The following COL11A1 variants were observed in gnomAD, a reference collection of about 807,000 sequenced individuals.
COL11A1 encodes the protein collagen alpha-1(XI) chain.
Under a neutral mutation model 265.2 loss-of-function variants are expected in COL11A1, and 74 were observed. The observed-to-expected ratio is 0.28, with a 90% CI of 0.23 to 0.34. The LOEUF (loss-of-function observed/expected upper bound fraction) is 0.34, where lower values mean the gene tolerates loss of function less well. Ranked by LOEUF, COL11A1 falls within the 10% of genes least tolerant of loss-of-function variation. The pLI is 1.00. For missense variants in COL11A1, 2,165 were observed against 2,263.6 expected, an observed-to-expected ratio of 0.96 and a Z score of 0.88; for synonymous variants, 816 against 727.6, an observed-to-expected ratio of 1.12 and a Z score of -1.96.
At chr1:103,034,870 T>G (rs1287477341) in intron 4 of COL11A1, among the ~76,000 whole-genome samples, 1 of 152,128 alleles carries the variant, frequency 6.6e-6, no homozygotes, top group East Asian at 1.9e-4. Context: ...ACTGTTATTT[T>G]TCTTTGTAGT....
chr1:103,028,744 A>G (rs188676870), intron 5 of COL11A1, among the ~76,000 whole-genome samples: 218 of 152,334 alleles, frequency 1.4e-3, no homozygotes, highest in African/African-American at 4.5e-3. Context: ...TAATGAATGT[A>G]TGATACATAT....
chr1:103,016,504 C>T (rs982722939), intron 11 of COL11A1, among the ~76,000 whole-genome samples: 3 of 151,672 alleles, frequency 2.0e-5, no homozygotes, highest in Non-Finnish European at 4.4e-5. Context: ...AGGTATATGT[C>T]CATAAGCTTT....
chr1:103,071,869 G>GTATATA (rs67216828), intron 4 of COL11A1, among the ~76,000 whole-genome samples: 5 of 147,670 alleles, frequency 3.4e-5, no homozygotes, highest in African/African-American at 1.2e-4. Flanking sequence ...ATATGTGTTT[G>GTATATA]TATATATATA....
At chr1:102,883,162 C>T (rs569884799) in intron 64 of COL11A1, 37 bp downstream of exon 64, 3 of 1,333,290 alleles carry the variant, frequency 2.3e-6, no homozygotes, top group African/African-American at 1.4e-5. Flanking sequence ...ATGGCAGGAA[C>T]TGTCAACATT....
At chr1:102,964,305 A>G (rs60943957) in intron 38 of COL11A1, among the ~76,000 whole-genome samples, 1,926 of 152,304 alleles carry the variant, frequency 0.013, 33 homozygotes, top group African/African-American at 0.044. Context: ...AAATAGTTAT[A>G]AAGTTGTTTT....
Position 103,108,452 on chromosome 1 carries a change from G to T in COL11A1, c.-274C>A. 1.7e-6 allele frequency: 1 copy of T among 599,946 alleles called. No individual in the cohort carries two copies. The highest frequency in any genetic ancestry group is 2.0e-5 in the South Asian group (1 of 49,334). The allele number at this position is 599,946 out of a possible 1,614,324, so 37.2% of individuals were successfully genotyped here. A position where few individuals can be genotyped will look rare whatever the true frequency, so the allele number is the denominator to read the frequency against. On this transcript the variant is annotated 5_prime_UTR_variant, in exon 1 of 67. The change creates a premature stop within an existing upstream ORF in the 5' untranslated region. Transcript: ENST00000370096. ...CTCTGCCGGGCCCTGCCTTCAGAAT[G>T]AAGGCAGATGAGGGGCTTCCACCAA...
intron 5 of COL11A1, among the ~76,000 whole-genome samples, chr1:103,029,075 G>A (rs577595622): frequency 6.6e-6 from 1 of 152,010 alleles, no homozygotes; most frequent in Non-Finnish European, 1.5e-5. Flanking sequence ...GGTGATGGTT[G>A]TAAAGTTATG....
Position 103,000,535 on chromosome 1 carries a change from T to A in COL11A1, c.2142+1390A>T, listed in dbSNP as rs188790714. On this transcript the variant is annotated intron_variant, in intron 24 of 66. Coordinates refer to ENST00000370096, the MANE Select transcript of COL11A1 (RefSeq NM_001854.4). The stretch of plus-strand genomic sequence containing the variant: ...TCAACAAAAGTAGTGATTAGGAAAA[T>A]GCAAATTACAACCACAATGAGATAA... Among the ~76,000 whole-genome samples, 35 of 151,718 alleles carry A rather than the reference T, an allele frequency of 2.3e-4. No individual in the cohort carries two copies. The Middle Eastern group carries it at 0.01, about 44-fold the overall frequency.
chr1:102,985,075 G>A (rs143969024), intron 30 of COL11A1, among the ~76,000 whole-genome samples: 142 of 151,694 alleles, frequency 9.4e-4, no homozygotes, highest in African/African-American at 3.4e-3. Context: ...TATGTATGTG[G>A]AATTTTACTG....
chr1:103,051,779 T>C (rs1265915078), intron 4 of COL11A1, among the ~76,000 whole-genome samples: 1 of 152,200 alleles, frequency 6.6e-6, no homozygotes, highest in South Asian at 2.1e-4. Flanking sequence ...ACACTTCTTT[T>C]AGCTAATAAC....
chr1:103,042,896 C>T (rs570412868), intron 4 of COL11A1, among the ~76,000 whole-genome samples: 166 of 148,966 alleles, frequency 1.1e-3, no homozygotes, highest in African/African-American at 4.0e-3. Context: ...ACTTGAAGAC[C>T]TAATATAGAA....
intron 57 of COL11A1, among the ~76,000 whole-genome samples, chr1:102,893,599 A>G (rs1652034623): frequency 6.6e-6 from 1 of 152,174 alleles, no homozygotes; most frequent in South Asian, 2.1e-4. Flanking sequence ...CATAAGTAAT[A>G]AAGTGAAAAG....
At chr1:103,061,608 A>C (rs1003126144) in intron 4 of COL11A1, among the ~76,000 whole-genome samples, 1 of 152,060 alleles carries the variant, frequency 6.6e-6, no homozygotes, top group Non-Finnish European at 1.5e-5. Context: ...ATGTAAAAAC[A>C]TACTTCTAAC....
chr1:103,025,473 C>G (rs747864821), intron 7 of COL11A1, 48 bp downstream of exon 7: 1 of 1,250,210 alleles, frequency 8.0e-7, no homozygotes, highest in Admixed American at 1.7e-5. Context: ...AAATAAATTA[C>G]ATATTTAAAA....
At chr1:102,986,079 T>C (rs1663512193) in intron 30 of COL11A1, among the ~76,000 whole-genome samples, 1 of 152,136 alleles carries the variant, frequency 6.6e-6, no homozygotes, top group Non-Finnish European at 1.5e-5. Flanking sequence ...CTTTCTGAGA[T>C]AGAACGGTGG....
intron 26 of COL11A1, 48 bp downstream of exon 26, chr1:102,997,032 C>T: frequency 6.6e-7 from 1 of 1,524,546 alleles, no homozygotes; most frequent in Non-Finnish European, 9.1e-7. Flanking sequence ...GGCATTTTCT[C>T]TTGGAAATTT....
chr1:102,955,121 T>C (rs932048759), intron 41 of COL11A1, among the ~76,000 whole-genome samples: 1 of 152,224 alleles, frequency 6.6e-6, no homozygotes, highest in Admixed American at 6.5e-5. Context: ...ATGGAGAAAA[T>C]GGACTTTATC....
chr1:103,052,477 G>A (rs1222352498), intron 4 of COL11A1, among the ~76,000 whole-genome samples: 4 of 152,008 alleles, frequency 2.6e-5, no homozygotes, highest in African/African-American at 9.7e-5. Flanking sequence ...ACCTTTAAAT[G>A]TCCTTTTATT....
intron 4 of COL11A1, among the ~76,000 whole-genome samples, chr1:103,068,645 T>C (rs1182649233): frequency 6.6e-6 from 1 of 151,302 alleles, no homozygotes; most frequent in Non-Finnish European, 1.5e-5. Flanking sequence ...AGCATAAAGA[T>C]AGAAAACTTG....
Sources: allele counts gnomAD v4.1 joint callset (sites outside exome capture counted in the v4.1 genomes callset), GRCh38; gene constraint gnomAD v4.1.1; transcripts MANE v1.5; gene names NCBI Gene and HGNC (gene_info 2026-07-23, HGNC 2026-07-21).